The following MYO1D variants were observed in gnomAD, a reference collection of about 807,000 sequenced individuals.
MYO1D encodes the protein unconventional myosin-Id.
MYO1D carries 83 observed loss-of-function variants against 122.0 expected under a neutral mutation model. That is an observed-to-expected ratio of 0.68 (90% confidence interval 0.57 to 0.82). The LOEUF (loss-of-function observed/expected upper bound fraction) is 0.82, where lower values mean the gene tolerates loss of function less well. MYO1D is among the 40% of genes least tolerant of loss of function. MYO1D has a pLI of 0.00. For missense variants in MYO1D, 1,157 were observed against 1,269.5 expected, an observed-to-expected ratio of 0.91 and a Z score of 1.35; for synonymous variants, 464 against 446.9, an observed-to-expected ratio of 1.04 and a Z score of -0.48.
chr17:32,654,354 C>G (rs932908392), intron 18 of MYO1D, 123 bp downstream of exon 18: 5 of 1,092,544 alleles, frequency 4.6e-6, no homozygotes, highest in Non-Finnish European at 6.5e-6. Flanking sequence ...GTTTTAGTAT[C>G]TCATAGAAAT....
chr17:32,709,211 A>T (rs2089345087), intron 16 of MYO1D, among the ~76,000 whole-genome samples: 1 of 152,180 alleles, frequency 6.6e-6, no homozygotes, highest in African/African-American at 2.4e-5. Flanking sequence ...ACACTTTGAG[A>T]GTAAAAGGGG....
intron 21 of MYO1D, among the ~76,000 whole-genome samples, chr17:32,520,571 A>G (rs1174441597): frequency 6.6e-6 from 1 of 152,222 alleles, no homozygotes; most frequent in Non-Finnish European, 1.5e-5. Flanking sequence ...TCGATGAATA[A>G]TAGGCGTGTG....
chr17:32,862,216 G>A (rs1051610370), intron 1 of MYO1D, among the ~76,000 whole-genome samples: 5 of 152,140 alleles, frequency 3.3e-5, no homozygotes, highest in African/African-American at 9.7e-5. Context: ...TTCCCCTATG[G>A]GGGAACTCTG....
chr17:32,724,900 T>C (rs1454911983), intron 14 of MYO1D, among the ~76,000 whole-genome samples: 9 of 152,238 alleles, frequency 5.9e-5, no homozygotes, highest in Admixed American at 5.9e-4. Flanking sequence ...CCTCCAATTA[T>C]TTCTGCAGAT....
At position 32,494,723 on chromosome 17, in the gene MYO1D, G is replaced by A. The variant is rs750396219; in HGVS notation, c.*36C>T. ...GCTGGACTGGGACCCAGGACTCGGA[G>A]TGTGGCCGGGCTCCGGGCCAGGCCT... On this transcript the variant is annotated 3_prime_UTR_variant, in exon 22 of 22. Transcript: ENST00000318217. 1 of 1,551,810 alleles carries A rather than the reference G, an allele frequency of 6.4e-7. No individual in the cohort carries two copies. The highest frequency in any genetic ancestry group is 2.4e-5 in the East Asian group (1 of 41,784).
At chr17:32,584,820 T>G (rs931069594) in intron 21 of MYO1D, among the ~76,000 whole-genome samples, 1 of 152,162 alleles carries the variant, frequency 6.6e-6, no homozygotes, top group African/African-American at 2.4e-5. Context: ...AAATACATAT[T>G]TTAAAGGAAT....
chr17:32,872,861 T>C (rs1330253211), intron 1 of MYO1D, among the ~76,000 whole-genome samples: 1 of 148,796 alleles, frequency 6.7e-6, no homozygotes, highest in Non-Finnish European at 1.5e-5. Flanking sequence ...CGCGCCCGGC[T>C]AATTTTTTGT....
intron 21 of MYO1D, among the ~76,000 whole-genome samples, chr17:32,527,368 C>T (rs907014813): frequency 9.9e-5 from 15 of 152,198 alleles, no homozygotes; most frequent in Non-Finnish European, 2.1e-4. Flanking sequence ...AAGGAGTGTC[C>T]AGCCTGTTGA....
At chr17:32,531,887 A>G (rs1910517222) in intron 21 of MYO1D, among the ~76,000 whole-genome samples, 1 of 152,224 alleles carries the variant, frequency 6.6e-6, no homozygotes, top group Admixed American at 6.5e-5. Context: ...GTCACTTTTT[A>G]TGTTCAATAT....
At chr17:32,618,713 C>G (rs778633521) in intron 20 of MYO1D, among the ~76,000 whole-genome samples, 2 of 151,578 alleles carry the variant, frequency 1.3e-5, no homozygotes, top group Non-Finnish European at 2.9e-5. Flanking sequence ...CAGCTCACTG[C>G]AACCTCCGAC....
At chr17:32,520,488 A>C (rs1910096589) in intron 21 of MYO1D, among the ~76,000 whole-genome samples, 1 of 152,238 alleles carries the variant, frequency 6.6e-6, no homozygotes, top group Non-Finnish European at 1.5e-5. Flanking sequence ...CATCAGGCAA[A>C]GTCCCACCTT....
At chr17:32,518,035 C>A (rs1909958459) in intron 21 of MYO1D, among the ~76,000 whole-genome samples, 1 of 151,616 alleles carries the variant, frequency 6.6e-6, no homozygotes, top group African/African-American at 2.4e-5. Flanking sequence ...CTGGACAGCA[C>A]CTGGCCCGCC....
chr17:32,626,917 G>A (rs2087935283), intron 20 of MYO1D, among the ~76,000 whole-genome samples: 1 of 152,036 alleles, frequency 6.6e-6, no homozygotes, highest in South Asian at 2.1e-4. Context: ...TATAAGAGGC[G>A]GGGAAAGAAT....
At chr17:32,715,198 T>C (rs2089428069) in intron 15 of MYO1D, among the ~76,000 whole-genome samples, 1 of 152,192 alleles carries the variant, frequency 6.6e-6, no homozygotes, top group Non-Finnish European at 1.5e-5. Flanking sequence ...ACAGGAACAC[T>C]TTTATACTAT....
intron 21 of MYO1D, among the ~76,000 whole-genome samples, chr17:32,604,508 T>A (rs1010112462): frequency 6.6e-6 from 1 of 152,200 alleles, no homozygotes; most frequent in Non-Finnish European, 1.5e-5. Context: ...CTGGTCCCCA[T>A]CACTCTCAGG....
chr17:32,614,092 T>C (rs909841475), intron 20 of MYO1D, among the ~76,000 whole-genome samples: 428 of 150,670 alleles, frequency 2.8e-3, no homozygotes, highest in African/African-American at 0.01. Flanking sequence ...TTTTTTTTTT[T>C]TTAACTCTGG....
At chr17:32,680,766 A>C (rs1268134676) in intron 16 of MYO1D, among the ~76,000 whole-genome samples, 1 of 152,246 alleles carries the variant, frequency 6.6e-6, no homozygotes, top group Non-Finnish European at 1.5e-5. Flanking sequence ...CTGGCCTCAT[A>C]AAATGAGTTA....
intron 21 of MYO1D, among the ~76,000 whole-genome samples, chr17:32,533,649 T>C (rs1910575933): frequency 6.6e-6 from 1 of 152,142 alleles, no homozygotes; most frequent in Non-Finnish European, 1.5e-5. Context: ...CGCTGACCTC[T>C]CCAGCTCCCA....
chr17:32,842,782 A>G (rs1287886602), intron 1 of MYO1D, among the ~76,000 whole-genome samples: 1 of 152,162 alleles, frequency 6.6e-6, no homozygotes, highest in Admixed American at 6.5e-5. Flanking sequence ...TCTTCTAGGA[A>G]AGTCTCTAAG....
Sources: allele counts gnomAD v4.1 joint callset (sites outside exome capture counted in the v4.1 genomes callset), GRCh38; gene constraint gnomAD v4.1.1; transcripts MANE v1.5; gene names NCBI Gene and HGNC (gene_info 2026-07-23, HGNC 2026-07-21).